Variants in FBXW5 observed in about 807,000 individuals in gnomAD.
The protein encoded by FBXW5 is F-box/WD repeat-containing protein 5.
A neutral mutation model predicts 50.9 loss-of-function variants in FBXW5; 74 were observed. The ratio of observed to expected loss-of-function variants is 1.45; its 90% CI spans 1.20 to 1.76. FBXW5 has a LOEUF of 1.76. FBXW5 is among the 40% of genes most tolerant of loss of function. The probability of loss-of-function intolerance (pLI) is 0.00; values close to 1 mark genes in which losing one functional copy is unlikely to be tolerated. For missense variants in FBXW5, 1,073 were observed against 818.8 expected, an observed-to-expected ratio of 1.31 and a Z score of -3.79; for synonymous variants, 523 against 362.2, an observed-to-expected ratio of 1.44 and a Z score of -5.04.
In FBXW5 at chr9:136,944,103, GGCCCTGAAACCCACCAACGGCT is replaced by G; in HGVS notation, c.-23-19_-21del. On this transcript the variant is annotated splice_acceptor_variant and splice_polypyrimidine_tract_variant and 5_prime_UTR_variant and intron_variant, in exon 2 of 9. Coordinates refer to ENST00000325285, the MANE Select transcript of FBXW5 (RefSeq NM_018998.4). LOFTEE classifies it low-confidence loss of function (5UTR_SPLICE). Reference sequence around the variant, plus strand: ...GTCCATCGTGACATTCTGCCCAGGCGGCCCTGAAACCCACCAACGGCTGCCCTCAGCCCAGGCCCGGGAAGGG... The same window carrying G: ...GTCCATCGTGACATTCTGCCCAGGCGGCCCTCAGCCCAGGCCCGGGAAGGG... The G allele has an allele frequency of 6.4e-7, 1 of 1,569,278 alleles. No individual in the cohort carries two copies. Among genetic ancestry groups the G allele is most frequent in the South Asian group, 1.2e-5 (1 of 85,386 alleles).
rs377570074 is a variant in FBXW5 at position 136,943,952 on chromosome 9, G to C, written c.132C>G (p.Phe44Leu). Reference protein sequence around the residue: ...RQWQAVSRDEFLWREQFYRYY... With the variant: ...RQWQAVSRDELLWREQFYRYY... ...AGCGGTAGAACTGCTCCCTCCACAG[G>C]AACTCGTCCCGCGACACGGCCTGCC... The change falls in exon 2 of 9, where the codon TTC becomes TTG. Residue 44 changes from phenylalanine to leucine, a missense_variant. Phe to Leu is a conservative substitution (Grantham distance 22). Coordinates refer to ENST00000325285, the MANE Select transcript of FBXW5 (RefSeq NM_018998.4). The C allele has an allele frequency of 6.4e-7, 1 of 1,558,868 alleles. No individual in the cohort carries two copies. Among genetic ancestry groups the C allele is most frequent in the Non-Finnish European group, 8.7e-7 (1 of 1,152,498 alleles).
Position 136,940,869 on chromosome 9 carries a change from CCA to C in FBXW5, c.*57_*58del, listed in dbSNP as rs1302721215. ...TCCACCTCTCCCGCTCGGGAAAAAG[CCA>C]CAGAGCCTGGCGATGTCCTCAAGGG... On this transcript the variant is annotated 3_prime_UTR_variant, in exon 9 of 9. Transcript: ENST00000325285. 10 of 1,533,742 alleles carry C rather than the reference CCA, an allele frequency of 6.5e-6. No homozygotes were observed. The highest frequency in any genetic ancestry group is 2.4e-5 in the South Asian group (2 of 84,332).
chr9:136,941,936 C>A lies in FBXW5; in HGVS notation c.1096+110G>T, dbSNP rs915299165. The A allele has an allele frequency of 2.1e-5, 31 of 1,449,148 alleles. No individual in the cohort carries two copies. In the African/African-American group the frequency reaches 3.7e-4, roughly 17 times the overall value. 89.8% of individuals were successfully genotyped at this position (1,449,148 alleles called of 1,614,324 possible). On this transcript the variant is annotated intron_variant, in intron 6 of 8. Coordinates refer to ENST00000325285, the MANE Select transcript of FBXW5 (RefSeq NM_018998.4). ...GCTTGTGACCCCAGGGGCGAGTGAA[C>A]GATCCCAGCTTTGCCTGTGGACTTG...
chr9:136,943,025 G>C, intron 3 of FBXW5, 82 bp from the exon 4 acceptor site: 12 of 1,595,462 alleles, frequency 7.5e-6, no homozygotes, highest in Middle Eastern at 2.0e-4. Flanking sequence ...TGAGGCCCCA[G>C]CTCTGCCAGC....
In FBXW5 at chr9:136,943,110, C is replaced by T. The variant is rs542131101; in HGVS notation, c.352-167G>A. ...CCACTCGGGGGGCATTGGTATAGAG[C>T]GGAGGAGCCTGCCCCTGAAGCAGGC... On this transcript the variant is annotated intron_variant, in intron 3 of 8. Coordinates refer to ENST00000325285, the MANE Select transcript of FBXW5 (RefSeq NM_018998.4). The T allele has an allele frequency of 3.9e-4, 449 of 1,163,768 alleles. No homozygotes were observed. In the Middle Eastern group the frequency reaches 8.5e-3, roughly 22 times the overall value. The allele number at this position is 1,163,768 out of a possible 1,614,324, so 72.1% of individuals were successfully genotyped here.
At chr9:136,944,476 C>G (rs1025155972) in intron 1 of FBXW5, 118 bp downstream of exon 1, 4 of 981,628 alleles carry the variant, frequency 4.1e-6, no homozygotes, top group Non-Finnish European at 4.8e-6. Flanking sequence ...CAGCTCTGCC[C>G]GGCGGGCTCG....
Position 136,944,584 on chromosome 9 carries a change from G to T in FBXW5, c.-24+10C>A. The T allele has an allele frequency of 1.0e-6, 1 of 984,114 alleles. No homozygotes were observed. The highest frequency in any genetic ancestry group is 1.2e-6 in the Non-Finnish European group (1 of 829,218). The allele number at this position is 984,114 out of a possible 1,614,324, so 61.0% of individuals were successfully genotyped here. The stretch of plus-strand genomic sequence containing the variant: ...AAGGCGGGACCCCCGAGGGCCGCAG[G>T]CGCACTCACCACGGCCGCCTCCGCC... On this transcript the variant is annotated intron_variant, in intron 1 of 8. Coordinates refer to ENST00000325285, the MANE Select transcript of FBXW5 (RefSeq NM_018998.4).
Position 136,944,022 on chromosome 9 carries a change from A to C in FBXW5, c.62T>G (p.Leu21Arg). 7.5e-6 allele frequency: 12 copies of C among 1,602,372 alleles called. No homozygotes were observed. The highest frequency in any genetic ancestry group is 1.0e-5 in the Non-Finnish European group (12 of 1,175,364). ...GGCGGCCAGCACGTCGGCCGGGCCC[A>C]GGCTCAGGAAGATCTGGTAGACCAG... is the stretch of plus-strand genomic sequence containing the variant. ...DSLVYQIFLS[L>R]GPADVLAAGL... The change falls in exon 2 of 9, where the codon CTG becomes CGG. Residue 21 changes from leucine to arginine, a missense_variant. Transcript: ENST00000325285.
chr9:136,940,778 G>T lies in FBXW5; in HGVS notation c.*150C>A, dbSNP rs374020833. Reference sequence around the variant, plus strand: ...CCAAGCATCACAGCTGCGTGAGCAGGTTTGTGTGTGAGCGTGTGGCGGGGC... The same window carrying T: ...CCAAGCATCACAGCTGCGTGAGCAGTTTTGTGTGTGAGCGTGTGGCGGGGC... On this transcript the variant is annotated 3_prime_UTR_variant, in exon 9 of 9. Transcript: ENST00000325285. 1 of 1,250,362 alleles carries T rather than the reference G, an allele frequency of 8.0e-7. No individual in the cohort carries two copies. Among genetic ancestry groups the T allele is most frequent in the South Asian group, 1.5e-5 (1 of 66,280 alleles). The allele number at this position is 1,250,362 out of a possible 1,614,324, so 77.5% of individuals were successfully genotyped here.
chr9:136,943,279 G>C, intron 3 of FBXW5, 70 bp downstream of exon 3: 12 of 772,474 alleles, frequency 1.6e-5, no homozygotes, highest in Non-Finnish European at 2.4e-5. Flanking sequence ...TGGTTGGAAC[G>C]CCTGGGTCCT....
In FBXW5 at chr9:136,944,573, G is replaced by A. The variant is rs1025441213; in HGVS notation, c.-24+21C>T. On this transcript the variant is annotated intron_variant, in intron 1 of 8. Transcript: ENST00000325285. ...GCGGGGACGACAAGGCGGGACCCCC[G>A]AGGGCCGCAGGCGCACTCACCACGG... The A allele has an allele frequency of 5.8e-5, 57 of 983,660 alleles. No homozygotes were observed. The African/African-American group carries it at 9.3e-4, about 16-fold the overall frequency. 60.9% of individuals were successfully genotyped at this position (983,660 alleles called of 1,614,324 possible). A position where few individuals can be genotyped will look rare whatever the true frequency, so the allele number is the denominator to read the frequency against.
rs1850966120 is a variant in FBXW5 at position 136,944,642 on chromosome 9, C to T, written c.-72G>A. The stretch of plus-strand genomic sequence containing the variant: ...CCGCCCCCGCCCTGCGCGACCCGGA[C>T]CCGCTTCCGCTGCCGCAGCCGCTCG... On this transcript the variant is annotated 5_prime_UTR_variant, in exon 1 of 9. Transcript: ENST00000325285. 8.1e-6 allele frequency: 8 copies of T among 985,202 alleles called. No homozygotes were observed. Among genetic ancestry groups the T allele is most frequent in the Non-Finnish European group, 9.6e-6 (8 of 829,656 alleles). 61.0% of individuals were successfully genotyped at this position (985,202 alleles called of 1,614,324 possible).
At position 136,944,114 on chromosome 9, in the gene FBXW5, C is replaced by G; in HGVS notation, c.-23-8G>C. 1 of 1,551,236 alleles carries G rather than the reference C, an allele frequency of 6.4e-7. No homozygotes were observed. Among genetic ancestry groups the G allele is most frequent in the Non-Finnish European group, 8.7e-7 (1 of 1,147,616 alleles). On this transcript the variant is annotated splice_region_variant and splice_polypyrimidine_tract_variant and intron_variant, in intron 1 of 8. Coordinates refer to ENST00000325285, the MANE Select transcript of FBXW5 (RefSeq NM_018998.4). ...CATTCTGCCCAGGCGGCCCTGAAACCCACCAACGGCTGCCCTCAGCCCAGG... is the reference window on the plus strand; with the variant it reads ...CATTCTGCCCAGGCGGCCCTGAAACGCACCAACGGCTGCCCTCAGCCCAGG...
At chr9:136,942,009 T>A in intron 6 of FBXW5, 37 bp downstream of exon 6, 1 of 1,569,424 alleles carries the variant, frequency 6.4e-7, no homozygotes, top group Non-Finnish European at 8.7e-7. Context: ...CCCAAGCTCC[T>A]AGGACCGAGG....
At position 136,944,059 on chromosome 9, in the gene FBXW5, G is replaced by C. The variant is rs1156593903; in HGVS notation, c.25C>G (p.Leu9Val). The change falls in exon 2 of 9, where the codon CTC (leucine) becomes GTC (valine). Residue 9 changes from leucine to valine, a missense_variant. Physicochemically the swap from Leu to Val is conservative, Grantham distance 32. Transcript: ENST00000325285. ...ATCTGGTAGACCAGGCTGTCGGGGA[G>C]CAGGGGCGTGCCGCCCTCGTCCATC... is the stretch of plus-strand genomic sequence containing the variant. MDEGGTPL[L>V]PDSLVYQIFL... 6.2e-7 allele frequency: 1 copy of C among 1,600,858 alleles called. No individual in the cohort carries two copies. The highest frequency in any genetic ancestry group is 2.3e-5 in the East Asian group (1 of 44,190).
At position 136,944,620 on chromosome 9, in the gene FBXW5, C is replaced by T. The variant is rs1850964278; in HGVS notation, c.-50G>A. ...ACGGCCGCCTCCGCCCGCTGCGCCG[C>T]CCCCGCCCTGCGCGACCCGGACCCG... On this transcript the variant is annotated 5_prime_UTR_variant, in exon 1 of 9. Transcript: ENST00000325285. 1.7e-5 allele frequency: 17 copies of T among 984,648 alleles called. No individual in the cohort carries two copies. The East Asian group carries it at 3.4e-4, about 20-fold the overall frequency. 61.0% of individuals were successfully genotyped at this position (984,648 alleles called of 1,614,324 possible).
rs562076005 is a variant in FBXW5, at chr9:136,943,111, G to A, written c.352-168C>T. On this transcript the variant is annotated intron_variant, in intron 3 of 8. Coordinates refer to ENST00000325285, the MANE Select transcript of FBXW5 (RefSeq NM_018998.4). ...CACTCGGGGGGCATTGGTATAGAGC[G>A]GAGGAGCCTGCCCCTGAAGCAGGCG... The A allele has an allele frequency of 5.9e-5, 68 of 1,151,354 alleles. 1 individual carries two copies. The highest frequency in any genetic ancestry group is 4.5e-4 in the African/African-American group (30 of 66,096). The allele number at this position is 1,151,354 out of a possible 1,614,324, so 71.3% of individuals were successfully genotyped here. A position where few individuals can be genotyped will look rare whatever the true frequency, so the allele number is the denominator to read the frequency against.
chr9:136,940,842 T>G lies in FBXW5; in HGVS notation c.*86A>C. ...TCCTAAGGCGTAACTGCTATAAGCA[T>G]CTCCACCTCTCCCGCTCGGGAAAAA... On this transcript the variant is annotated 3_prime_UTR_variant, in exon 9 of 9. Transcript: ENST00000325285. The G allele has an allele frequency of 2.0e-6, 3 of 1,490,500 alleles. No individual in the cohort carries two copies. 92.3% of individuals were successfully genotyped at this position (1,490,500 alleles called of 1,614,324 possible).
In FBXW5 at chr9:136,943,899, C is replaced by G. The variant is rs934542508; in HGVS notation, c.185G>C (p.Arg62Pro). The G allele has an allele frequency of 5.8e-6, 9 of 1,549,774 alleles. No individual in the cohort carries two copies. Among genetic ancestry groups the G allele is most frequent in the Non-Finnish European group, 7.8e-6 (9 of 1,146,814 alleles). Residue 62 changes from arginine to proline, a missense_variant, in exon 2 of 9, where the codon CGA becomes CCA. Physicochemically the swap from Arg to Pro is moderately radical, Grantham distance 103. Coordinates refer to ENST00000325285, the MANE Select transcript of FBXW5 (RefSeq NM_018998.4). ...CCCCACACGCCACTGACCTGGGTGT[C>G]GGGGCACGTCGCGGGCCACCTGGTA... ...RYYQVARDVP[R>P]HPAAMSWYEE...
Sources: allele counts gnomAD v4.1 joint callset, GRCh38; gene constraint gnomAD v4.1.1; transcripts MANE v1.5; gene names NCBI Gene and HGNC (gene_info 2026-07-23, HGNC 2026-07-21).